The following PDIA5 variants were observed in gnomAD, a reference collection of about 807,000 sequenced individuals.
PDIA5 encodes protein disulfide isomerase family A member 5.
A neutral mutation model predicts 77.6 loss-of-function variants in PDIA5; 58 were observed. That is an observed-to-expected ratio of 0.75 (90% CI 0.61 to 0.93). The LOEUF (loss-of-function observed/expected upper bound fraction) is 0.93, where lower values mean the gene tolerates loss of function less well. Ranked by LOEUF, PDIA5 falls within the 40% of genes least tolerant of loss-of-function variation. The probability of loss-of-function intolerance (pLI) is 0.00; values close to 1 mark genes in which losing one functional copy is unlikely to be tolerated. For missense variants in PDIA5, 630 were observed against 647.7 expected (o/e 0.97, Z 0.30); for synonymous variants, 250 against 252.1 (o/e 0.99, Z 0.08).
At chr3:123,143,099 A>G (rs1322216271) in intron 11 of PDIA5, among the ~76,000 whole-genome samples, 1 of 152,118 alleles carries the variant, frequency 6.6e-6, no homozygotes, top group African/African-American at 2.4e-5. Flanking sequence ...GAGAGTCACC[A>G]TCTGGGGCTG....
At chr3:123,100,651 C>T (rs1934566206) in intron 3 of PDIA5, among the ~76,000 whole-genome samples, 1 of 152,218 alleles carries the variant, frequency 6.6e-6, no homozygotes. Context: ...GGCAGGGAGA[C>T]ACTCCTCCTC....
At chr3:123,106,661 G>T in intron 5 of PDIA5, 88 bp from the exon 6 acceptor site, 1 of 912,858 alleles carries the variant, frequency 1.1e-6, no homozygotes, top group South Asian at 1.4e-5. Flanking sequence ...CAGGTCTCCA[G>T]GCAGGGAAAG....
chr3:123,159,993 A>C (rs1936119745), intron 15 of PDIA5, among the ~76,000 whole-genome samples: 1 of 152,194 alleles, frequency 6.6e-6, no homozygotes, highest in Non-Finnish European at 1.5e-5. Context: ...AATAATTTTA[A>C]ATTATCTTAT....
chr3:123,085,398 G>A (rs1315843661), intron 1 of PDIA5, among the ~76,000 whole-genome samples: 1 of 152,154 alleles, frequency 6.6e-6, no homozygotes, highest in South Asian at 2.1e-4. Context: ...TGGTTTTCAA[G>A]CAAAGTAAAT....
intron 8 of PDIA5, 50 bp downstream of exon 8, chr3:123,116,348 C>A (rs368981698): frequency 1.6e-6 from 2 of 1,243,372 alleles, no homozygotes; most frequent in Non-Finnish European, 2.3e-6. Context: ...TTGGACTTGG[C>A]GGAGGAAGGG....
intron 11 of PDIA5, among the ~76,000 whole-genome samples, chr3:123,131,956 T>TGA (rs1239566632): frequency 6.6e-6 from 1 of 152,026 alleles, no homozygotes; most frequent in East Asian, 1.9e-4. Flanking sequence ...TCACAGTGCA[T>TGA]GAGGATGGTT....
intron 1 of PDIA5, among the ~76,000 whole-genome samples, chr3:123,079,425 C>T (rs1933938416): frequency 6.6e-6 from 1 of 151,980 alleles, no homozygotes; most frequent in African/African-American, 2.4e-5. Flanking sequence ...CGTGATCCGC[C>T]CACCTCGGCC....
At chr3:123,097,531 C>T (rs377106502) in intron 3 of PDIA5, among the ~76,000 whole-genome samples, 5 of 152,184 alleles carry the variant, frequency 3.3e-5, no homozygotes, top group East Asian at 1.9e-4. Context: ...GAGAGTGCTA[C>T]GTGACCACCA....
chr3:123,120,066 C>G (rs1287032496), intron 8 of PDIA5, among the ~76,000 whole-genome samples: 2 of 152,204 alleles, frequency 1.3e-5, no homozygotes, highest in Non-Finnish European at 1.5e-5. Context: ...CACGCTGCCC[C>G]CATCTCAGAG....
chr3:123,129,836 A>T (rs2107965011), intron 10 of PDIA5, among the ~76,000 whole-genome samples: 1 of 152,264 alleles, frequency 6.6e-6, no homozygotes, highest in South Asian at 2.1e-4. Flanking sequence ...GGGAGAACTA[A>T]ATAAGTTGGT....
chr3:123,067,164 G>T lies in PDIA5; in HGVS notation c.-1G>T, dbSNP rs375940914. 1 of 1,246,828 alleles carries T rather than the reference G, an allele frequency of 8.0e-7. No individual in the cohort carries two copies. The allele number at this position is 1,246,828 out of a possible 1,614,324, so 77.2% of individuals were successfully genotyped here. On this transcript the variant is annotated 5_prime_UTR_variant, in exon 1 of 17. Coordinates refer to ENST00000316218, the MANE Select transcript of PDIA5 (RefSeq NM_006810.4). Reference sequence around the variant, plus strand: ...AGCCAGCGGTGGGCAGCGCTGCTGGGATGGCGCGGGCCGGGCCGGCGTGGC... The same window carrying T: ...AGCCAGCGGTGGGCAGCGCTGCTGGTATGGCGCGGGCCGGGCCGGCGTGGC...
intron 10 of PDIA5, among the ~76,000 whole-genome samples, chr3:123,128,517 T>A (rs1474891281): frequency 6.6e-6 from 1 of 152,104 alleles, no homozygotes; most frequent in Non-Finnish European, 1.5e-5. Context: ...TTTATTTTTT[T>A]ATTTTTTTAG....
At chr3:123,153,653 C>T (rs1020103765) in intron 14 of PDIA5, among the ~76,000 whole-genome samples, 45 of 152,230 alleles carry the variant, frequency 3.0e-4, no homozygotes, top group African/African-American at 8.9e-4. Flanking sequence ...AAGCCCTCTA[C>T]ACCCCCACCC....
chr3:123,159,090 C>T (rs1295450686), intron 15 of PDIA5, among the ~76,000 whole-genome samples: 1 of 152,234 alleles, frequency 6.6e-6, no homozygotes, highest in Non-Finnish European at 1.5e-5. Flanking sequence ...ACTATATTTC[C>T]AATAGCTCCA....
intron 8 of PDIA5, among the ~76,000 whole-genome samples, chr3:123,121,903 C>T (rs1288230545): frequency 1.3e-5 from 2 of 152,132 alleles, no homozygotes; most frequent in African/African-American, 2.4e-5. Flanking sequence ...AATGCGCGAC[C>T]CCATGGGGAG....
intron 1 of PDIA5, among the ~76,000 whole-genome samples, chr3:123,076,328 G>A (rs908423871): frequency 1.3e-5 from 2 of 152,088 alleles, no homozygotes; most frequent in Non-Finnish European, 2.9e-5. Context: ...CTAAAGTGGG[G>A]ATAGTACCAC....
intron 11 of PDIA5, chr3:123,144,584 G>GT (rs1272524938): frequency 6.6e-6 from 1 of 152,266 alleles, no homozygotes; most frequent in East Asian, 1.9e-4. Flanking sequence ...TCATGCAGCT[G>GT]TAAGAAAAGC....
chr3:123,140,647 C>G (rs891098296), intron 11 of PDIA5, among the ~76,000 whole-genome samples: 2 of 152,138 alleles, frequency 1.3e-5, no homozygotes, highest in South Asian at 2.1e-4. Context: ...GGTGATGGCC[C>G]TGGGGGATTT....
At chr3:123,075,149 A>T (rs1933820483) in intron 1 of PDIA5, among the ~76,000 whole-genome samples, 1 of 152,228 alleles carries the variant, frequency 6.6e-6, no homozygotes, top group Admixed American at 6.5e-5. Flanking sequence ...AGTTAAGTAA[A>T]ACTTTGAAAT....
Sources: gnomAD v4.1 joint callset for allele counts (sites outside exome capture counted in the v4.1 genomes callset) on GRCh38, gnomAD v4.1.1 for gene constraint, MANE v1.5 for transcripts, NCBI Gene and HGNC (gene_info 2026-07-23, HGNC 2026-07-21) for gene names.